PLIN3: variants seen among roughly 807,000 people sequenced by gnomAD.
PLIN3 encodes the protein perilipin 3, also known as perilipin-3.
In PLIN3, 30 loss-of-function variants were observed where a neutral mutation model predicts 35.9. The observed-to-expected ratio is 0.84, with a 90% CI of 0.62 to 1.13. The LOEUF is 1.13. Among genes scored for constraint, PLIN3 ranks in the 50% most tolerant of loss-of-function variants. The pLI is 0.00. For synonymous variants in PLIN3, 261 were observed against 262.5 expected, an observed-to-expected ratio of 0.99 and a Z score of 0.06; for missense variants, 603 against 596.9, an observed-to-expected ratio of 1.01 and a Z score of -0.11.
intron 4 of PLIN3, among the ~76,000 whole-genome samples, chr19:4,854,301 A>G (rs2030399840): frequency 6.6e-6 from 1 of 152,038 alleles, no homozygotes. Context: ...CACCTGCCCC[A>G]TTCCTACCCA....
intron 7 of PLIN3, among the ~76,000 whole-genome samples, chr19:4,843,514 T>TAAAA (rs2029979657): frequency 2.7e-5 from 3 of 111,490 alleles, no homozygotes; most frequent in Admixed American, 8.4e-5. Flanking sequence ...TCTCAAAAAA[T>TAAAA]AAATAAATAA....
At chr19:4,858,632 T>G (rs2030553461) in intron 4 of PLIN3, among the ~76,000 whole-genome samples, 1 of 150,944 alleles carries the variant, frequency 6.6e-6, no homozygotes, top group Non-Finnish European at 1.5e-5. Context: ...TCCGCCCACC[T>G]CAGCCTCCCA....
intron 7 of PLIN3, among the ~76,000 whole-genome samples, chr19:4,840,517 T>C (rs2095737482): frequency 6.6e-6 from 1 of 152,244 alleles, no homozygotes; most frequent in South Asian, 2.1e-4. Context: ...CCTCCCAAAA[T>C]GCTGGAATTA....
At position 4,852,233 on chromosome 19, in the gene PLIN3, G is replaced by A. The variant is rs774847462; in HGVS notation, c.417C>T (p.Ala139=). 24 of 1,610,020 alleles carry A rather than the reference G, an allele frequency of 1.5e-5. No homozygotes were observed. Among genetic ancestry groups the A allele is most frequent in the Non-Finnish European group, 1.9e-5 (22 of 1,180,026 alleles). ...VSGAQEMVSS[A]KDTVATQLSE... is the part of the protein sequence containing the mutation. ...ACAATTGGGTGGCCACCGTGTCCTT[G>A]GCGCTAGACACCATCTCTTGGGCCC... Residue 139 remains alanine, a synonymous_variant, in exon 5 of 8, where the codon GCC becomes GCT. Coordinates refer to ENST00000221957, the MANE Select transcript of PLIN3 (RefSeq NM_005817.5).
chr19:4,853,207 C>T (rs766019781), intron 4 of PLIN3, among the ~76,000 whole-genome samples: 10 of 151,888 alleles, frequency 6.6e-5, no homozygotes, highest in Non-Finnish European at 1.3e-4. Context: ...AATCTCGGCT[C>T]ACTACAAACT....
At chr19:4,861,181 G>T in intron 2 of PLIN3, 148 bp downstream of exon 2, 1 of 677,708 alleles carries the variant, frequency 1.5e-6, no homozygotes, top group Non-Finnish European at 2.6e-6. Flanking sequence ...ACCAGTGAGT[G>T]GTCCATACCC....
chr19:4,852,212 T>C lies in PLIN3; in HGVS notation c.438A>G (p.Gln146=), dbSNP rs1053182087. ...VSSAKDTVAT[Q]LSEAVDATRG... Reference sequence around the variant, plus strand: ...GGGTCGCGTCCACCGCCTCCGACAATTGGGTGGCCACCGTGTCCTTGGCGC... The same window carrying C: ...GGGTCGCGTCCACCGCCTCCGACAACTGGGTGGCCACCGTGTCCTTGGCGC... The change falls in exon 5 of 8, where the codon CAA becomes CAG. Residue 146 remains glutamine (Q), a synonymous_variant. Coordinates refer to ENST00000221957, the MANE Select transcript of PLIN3 (RefSeq NM_005817.5). 11 of 1,612,092 alleles carry C rather than the reference T, an allele frequency of 6.8e-6. No homozygotes were observed. The highest frequency in any genetic ancestry group is 9.3e-6 in the Non-Finnish European group (11 of 1,180,006).
At position 4,853,833 on chromosome 19, in the gene PLIN3, C is replaced by G. The variant is rs1049218325; in HGVS notation, c.349-1532G>C. 9.9e-5 allele frequency among the ~76,000 whole-genome samples: 15 copies of G among 151,640 alleles called. No individual in the cohort carries two copies. The East Asian group carries it at 1.7e-3, about 18-fold the overall frequency. On this transcript the variant is annotated intron_variant, in intron 4 of 7. Coordinates refer to ENST00000221957, the MANE Select transcript of PLIN3 (RefSeq NM_005817.5). The stretch of plus-strand genomic sequence containing the variant: ...GTCTCCAAAAAAAAACAAAAACAAA[C>G]AAACAAAAAAAAGCTTTGCATGGAA...
At chr19:4,852,393 G>A (rs1568377265) in intron 4 of PLIN3, 92 bp from the exon 5 acceptor site, 5 of 1,465,124 alleles carry the variant, frequency 3.4e-6, no homozygotes, top group Non-Finnish European at 3.7e-6. Flanking sequence ...ACCGAGGCGG[G>A]GAGCGCCATC....
At chr19:4,844,374 G>A (rs182932353) in intron 7 of PLIN3, among the ~76,000 whole-genome samples, 1 of 152,258 alleles carries the variant, frequency 6.6e-6, no homozygotes, top group African/African-American at 2.4e-5. Context: ...GCTGAGGCAG[G>A]AGAATCACTC....
At chr19:4,864,447 C>T (rs1325505247) in intron 1 of PLIN3, among the ~76,000 whole-genome samples, 5 of 132,476 alleles carry the variant, frequency 3.8e-5, no homozygotes, top group Non-Finnish European at 7.1e-5. Context: ...TGCACTCAGC[C>T]GTGGTTTGTT....
chr19:4,841,904 CAAAAAAAAAAAAA>C (rs111932271), intron 7 of PLIN3, among the ~76,000 whole-genome samples: 6 of 38,688 alleles, frequency 1.6e-4, no homozygotes, highest in Non-Finnish European at 3.8e-4. Flanking sequence ...GACTCCATCT[CAAAAAAAAAAAAA>C]AAAAAAAAAG....
At chr19:4,852,667 G>T (rs1019974265) in intron 4 of PLIN3, among the ~76,000 whole-genome samples, 3 of 151,836 alleles carry the variant, frequency 2.0e-5, no homozygotes, top group Non-Finnish European at 4.4e-5. Flanking sequence ...TGGAGACAGG[G>T]TCTTGCTCTC....
chr19:4,841,904 C>CAAAAA (rs111932271), intron 7 of PLIN3, among the ~76,000 whole-genome samples: 2 of 38,682 alleles, frequency 5.2e-5, no homozygotes, highest in African/African-American at 6.7e-5. Context: ...GACTCCATCT[C>CAAAAA]AAAAAAAAAA....
At chr19:4,854,988 G>A (rs1047549887) in intron 4 of PLIN3, among the ~76,000 whole-genome samples, 11 of 151,874 alleles carry the variant, frequency 7.2e-5, no homozygotes, top group African/African-American at 7.3e-5. Flanking sequence ...GGTGACTCAC[G>A]CCTATAATCC....
intron 2 of PLIN3, among the ~76,000 whole-genome samples, chr19:4,861,059 G>A (rs12977684): frequency 0.25 from 38,393 of 152,030 alleles, 5,284 homozygotes; most frequent in East Asian, 0.42. Flanking sequence ...AGAGCCTTCA[G>A]AGGTGAGGAT....
intron 4 of PLIN3, among the ~76,000 whole-genome samples, chr19:4,855,920 G>A (rs1216615354): frequency 1.2e-4 from 8 of 69,246 alleles, no homozygotes; most frequent in Non-Finnish European, 2.4e-4. Flanking sequence ...GCAAGACCTT[G>A]TCTCAAAAAA....
intron 4 of PLIN3, among the ~76,000 whole-genome samples, chr19:4,858,751 G>C: frequency 7.3e-6 from 1 of 137,120 alleles, no homozygotes; most frequent in Admixed American, 8.0e-5. Context: ...GCCCAGGCTA[G>C]AGTGCAATGG....
chr19:4,854,514 C>T (rs1458811251), intron 4 of PLIN3, among the ~76,000 whole-genome samples: 1 of 152,106 alleles, frequency 6.6e-6, no homozygotes, highest in East Asian at 1.9e-4. Flanking sequence ...AGCGGTTCTC[C>T]TGCCTCAGCC....
Sources: gnomAD v4.1 joint callset for allele counts (sites outside exome capture counted in the v4.1 genomes callset) on GRCh38, gnomAD v4.1.1 for gene constraint, MANE v1.5 for transcripts, NCBI Gene and HGNC (gene_info 2026-07-23, HGNC 2026-07-21) for gene names.